NPAS3: variants seen among roughly 807,000 people sequenced by gnomAD.
NPAS3 encodes the protein neuronal PAS domain protein 3, also known as neuronal PAS domain-containing protein 3.
In NPAS3, 14 loss-of-function variants were observed where a neutral mutation model predicts 73.1. The ratio of observed to expected loss-of-function variants is 0.19; its 90% CI spans 0.13 to 0.30. The LOEUF is 0.30. NPAS3 is among the 10% of genes least tolerant of loss of function. The probability of loss-of-function intolerance (pLI) is 1.00; values close to 1 mark genes in which losing one functional copy is unlikely to be tolerated. For synonymous variants in NPAS3, 620 were observed against 541.5 expected, an observed-to-expected ratio of 1.14 and a Z score of -2.01; for missense variants, 1,096 against 1,250.0, an observed-to-expected ratio of 0.88 and a Z score of 1.86.
chr14:33,767,830 G>A (rs74356842), intron 7 of NPAS3, among the ~76,000 whole-genome samples: 24,203 of 152,166 alleles, frequency 0.16, 2,247 homozygotes, highest in Admixed American at 0.22. Flanking sequence ...ATTGACAGAG[G>A]GGAGGTTTTA....
chr14:33,790,222 T>C (rs1361397706), intron 9 of NPAS3, among the ~76,000 whole-genome samples: 1 of 152,250 alleles, frequency 6.6e-6, no homozygotes, highest in African/African-American at 2.4e-5. Context: ...TTAAGGACTT[T>C]CATATCAAGT....
chr14:33,777,658 AGG>A (rs1301839063), intron 8 of NPAS3, among the ~76,000 whole-genome samples: 2 of 152,196 alleles, frequency 1.3e-5, no homozygotes, highest in East Asian at 3.8e-4. Flanking sequence ...GGTAATACAG[AGG>A]GTAACAAGCA....
intron 4 of NPAS3, among the ~76,000 whole-genome samples, chr14:33,423,666 A>T (rs1212670623): frequency 3.9e-5 from 6 of 151,994 alleles, no homozygotes; most frequent in African/African-American, 7.2e-5. Context: ...TGAGAGATTC[A>T]TTGGGAACAA....
chr14:33,467,902 G>T (rs974465435), intron 4 of NPAS3, among the ~76,000 whole-genome samples: 1 of 152,124 alleles, frequency 6.6e-6, no homozygotes, highest in African/African-American at 2.4e-5. Flanking sequence ...CAACACGCAC[G>T]TCAGAAGAGA....
At chr14:33,278,825 A>C (rs2140050379) in intron 3 of NPAS3, among the ~76,000 whole-genome samples, 1 of 152,310 alleles carries the variant, frequency 6.6e-6, no homozygotes. Context: ...TATCTTAAAA[A>C]ATGTTAAGAA....
chr14:33,184,688 G>A (rs751550281), intron 2 of NPAS3, among the ~76,000 whole-genome samples: 3 of 152,174 alleles, frequency 2.0e-5, no homozygotes, highest in Non-Finnish European at 2.9e-5. Flanking sequence ...AAATTCTTAG[G>A]AGGGATAAGA....
chr14:33,287,714 G>A (rs984067312), intron 3 of NPAS3, among the ~76,000 whole-genome samples: 5 of 152,122 alleles, frequency 3.3e-5, no homozygotes, highest in Non-Finnish European at 7.4e-5. Context: ...TCACAGTTTG[G>A]AGAAGGGGTT....
chr14:33,117,399 TTGC>T (rs1159628132), intron 2 of NPAS3, among the ~76,000 whole-genome samples: 1 of 152,140 alleles, frequency 6.6e-6, no homozygotes, highest in Non-Finnish European at 1.5e-5. Flanking sequence ...AAGGTGTCAC[TTGC>T]TATTCCTAGT....
intron 7 of NPAS3, among the ~76,000 whole-genome samples, chr14:33,746,750 TA>T (rs200454973): frequency 0.015 from 2,259 of 151,962 alleles, 62 homozygotes; most frequent in African/African-American, 0.052. Flanking sequence ...TTTCTTTTTT[TA>T]TTATTATTAT....
At chr14:33,787,337 A>T (rs1348872718) in intron 9 of NPAS3, among the ~76,000 whole-genome samples, 11 of 152,204 alleles carry the variant, frequency 7.2e-5, no homozygotes, top group Admixed American at 3.9e-4. Context: ...ATCAATGAAA[A>T]GTTTTCTGCA....
chr14:33,473,392 G>T (rs780712721), intron 4 of NPAS3, among the ~76,000 whole-genome samples: 3 of 152,118 alleles, frequency 2.0e-5, no homozygotes, highest in Non-Finnish European at 2.9e-5. Flanking sequence ...AGAAGTTGAT[G>T]AATTTAATTA....
intron 2 of NPAS3, among the ~76,000 whole-genome samples, chr14:33,069,178 G>C (rs147845329): frequency 6.6e-6 from 1 of 152,148 alleles, no homozygotes; most frequent in Non-Finnish European, 1.5e-5. Flanking sequence ...GAGAGAAGTC[G>C]ATATTGAATC....
chr14:33,525,438 T>A (rs1315765653), intron 4 of NPAS3, among the ~76,000 whole-genome samples: 1 of 152,194 alleles, frequency 6.6e-6, no homozygotes, highest in Non-Finnish European at 1.5e-5. Flanking sequence ...GCATTGGAAA[T>A]TCTCAGTAAT....
At chr14:33,342,573 T>G (rs2044537090) in intron 3 of NPAS3, among the ~76,000 whole-genome samples, 1 of 152,256 alleles carries the variant, frequency 6.6e-6, no homozygotes, top group Non-Finnish European at 1.5e-5. Context: ...CAAGGGTGGT[T>G]TTGCAGAGTG....
At chr14:33,037,414 G>A (rs2040204286) in intron 1 of NPAS3, among the ~76,000 whole-genome samples, 1 of 151,496 alleles carries the variant, frequency 6.6e-6, no homozygotes, top group African/African-American at 2.4e-5. Flanking sequence ...GGAGGCAAGG[G>A]CAGGAGGATA....
At chr14:32,964,777 C>T (rs2037079643) in intron 1 of NPAS3, among the ~76,000 whole-genome samples, 1 of 151,490 alleles carries the variant, frequency 6.6e-6, no homozygotes, top group Non-Finnish European at 1.5e-5. Flanking sequence ...GGGTTCAAGA[C>T]CAGCTTGGGC....
At chr14:33,351,114 G>A (rs2045026529) in intron 3 of NPAS3, among the ~76,000 whole-genome samples, 1 of 152,134 alleles carries the variant, frequency 6.6e-6, no homozygotes, top group Non-Finnish European at 1.5e-5. Context: ...TCAAAATGTA[G>A]TTTTAAAAAA....
chr14:33,802,703 C>T (rs947463120), downstream of NPAS3: 1 of 152,262 alleles, frequency 6.6e-6, no homozygotes, highest in African/African-American at 2.4e-5. Context: ...TGGTACAGTC[C>T]CATTCCTGCA....
chr14:33,047,496 G>T (rs534145832), intron 1 of NPAS3, among the ~76,000 whole-genome samples: 1 of 152,092 alleles, frequency 6.6e-6, no homozygotes, highest in East Asian at 1.9e-4. Context: ...GATTTGTACC[G>T]GTTTCTAATG....
Sources: allele counts gnomAD v4.1 joint callset (sites outside exome capture counted in the v4.1 genomes callset), GRCh38; gene constraint gnomAD v4.1.1; transcripts MANE v1.5; gene names NCBI Gene and HGNC (gene_info 2026-07-23, HGNC 2026-07-21).